CDH13: variants seen among roughly 807,000 people sequenced by gnomAD.
CDH13 encodes the protein cadherin 13.
In CDH13, 24 loss-of-function variants were observed where a neutral mutation model predicts 63.8. The ratio of observed to expected loss-of-function variants is 0.38; its 90% confidence interval spans 0.27 to 0.53. The LOEUF (loss-of-function observed/expected upper bound fraction) is 0.53, where lower values mean the gene tolerates loss of function less well. Ranked by LOEUF, CDH13 falls within the 20% of genes least tolerant of loss-of-function variation. CDH13 has a pLI of 0.85. For synonymous variants in CDH13, 503 were observed against 355.3 expected (o/e 1.42, Z -4.67); for missense variants, 1,049 against 903.1 (o/e 1.16, Z -2.07).
chr16:83,748,583 G>C (rs1465410854), intron 11 of CDH13, among the ~76,000 whole-genome samples: 1 of 152,166 alleles, frequency 6.6e-6, no homozygotes. Flanking sequence ...GAGGCTCTTG[G>C]ACTTAATACA....
intron 6 of CDH13, among the ~76,000 whole-genome samples, chr16:83,474,430 C>G (rs1167844500): frequency 2.0e-5 from 3 of 152,130 alleles, no homozygotes; most frequent in African/African-American, 4.8e-5. Context: ...CCACACCAGG[C>G]CAGTAGAATA....
At chr16:82,718,712 G>C (rs1332719836) in intron 1 of CDH13, among the ~76,000 whole-genome samples, 2 of 152,162 alleles carry the variant, frequency 1.3e-5, no homozygotes, top group Admixed American at 6.5e-5. Context: ...CTCGTGCAGG[G>C]AAACTCCCCT....
At chr16:82,678,180 A>G (rs887359838) in intron 1 of CDH13, among the ~76,000 whole-genome samples, 2 of 152,084 alleles carry the variant, frequency 1.3e-5, no homozygotes, top group African/African-American at 2.4e-5. Flanking sequence ...TGTGTATTGG[A>G]TGGATGGATG....
At chr16:83,132,049 C>A (rs2036077706) in intron 4 of CDH13, among the ~76,000 whole-genome samples, 1 of 152,126 alleles carries the variant, frequency 6.6e-6, no homozygotes, top group Admixed American at 6.5e-5. Context: ...TACTCTGTAC[C>A]TGAGATTTAT....
At chr16:83,006,475 C>T (rs1447899402) in intron 2 of CDH13, among the ~76,000 whole-genome samples, 1 of 152,020 alleles carries the variant, frequency 6.6e-6, no homozygotes, top group Admixed American at 6.6e-5. Flanking sequence ...AAGGCTAAGC[C>T]TGAGGATGAT....
intron 2 of CDH13, among the ~76,000 whole-genome samples, chr16:83,011,586 G>C (rs575141650): frequency 2.6e-5 from 4 of 152,284 alleles, no homozygotes; most frequent in African/African-American, 9.6e-5. Flanking sequence ...CGTGGCTCCT[G>C]TACCAGGTTG....
chr16:82,728,323 G>A (rs915075314), intron 1 of CDH13, among the ~76,000 whole-genome samples: 1 of 152,018 alleles, frequency 6.6e-6, no homozygotes, highest in East Asian at 1.9e-4. Flanking sequence ...ACCCTTATGG[G>A]CTTGTTCTAT....
intron 4 of CDH13, among the ~76,000 whole-genome samples, chr16:83,150,640 G>A (rs183244709): frequency 9.2e-5 from 14 of 152,236 alleles, no homozygotes; most frequent in Admixed American, 1.3e-4. Context: ...CTTATAGAGC[G>A]TTTTTTATCT....
At chr16:82,647,238 C>A (rs1910201851) in intron 1 of CDH13, among the ~76,000 whole-genome samples, 1 of 152,136 alleles carries the variant, frequency 6.6e-6, no homozygotes, top group Non-Finnish European at 1.5e-5. Context: ...CTTGGTCCAG[C>A]AAATAATATG....
At chr16:83,710,073 G>C (rs1416444282) in intron 10 of CDH13, 2 of 152,244 alleles carry the variant, frequency 1.3e-5, no homozygotes, top group African/African-American at 2.4e-5. Context: ...TTCAGGGGGT[G>C]CGAGGGGAAT....
chr16:83,543,347 G>T (rs1345794282), intron 7 of CDH13, among the ~76,000 whole-genome samples: 1 of 152,142 alleles, frequency 6.6e-6, no homozygotes, highest in African/African-American at 2.4e-5. Context: ...ACCTTATGGA[G>T]CCCAATGACA....
Position 82,830,766 on chromosome 16 carries a change from C to T in CDH13, c.46-27596C>T, listed in dbSNP as rs554215525. 5.6e-3 allele frequency among the ~76,000 whole-genome samples: 849 copies of T among 152,222 alleles called. 6 individuals are homozygous for T. The highest frequency in any genetic ancestry group is 0.01 in the Non-Finnish European group (683 of 68,016). On this transcript the variant is annotated intron_variant, in intron 1 of 13. Transcript: ENST00000567109. Reference sequence around the variant, plus strand: ...CCTTGTTTTATGCATAAAAGAAGGCCAGTAAAAATAGTCTTACATGCATAT... The same window carrying T: ...CCTTGTTTTATGCATAAAAGAAGGCTAGTAAAAATAGTCTTACATGCATAT...
chr16:83,413,817 G>T (rs576017176), intron 6 of CDH13, among the ~76,000 whole-genome samples: 1 of 151,916 alleles, frequency 6.6e-6, no homozygotes, highest in Admixed American at 6.6e-5. Context: ...GTAAAACCCC[G>T]TCTCTACTAA....
intron 6 of CDH13, among the ~76,000 whole-genome samples, chr16:83,416,753 G>T (rs1321042536): frequency 6.6e-6 from 1 of 152,142 alleles, no homozygotes; most frequent in Non-Finnish European, 1.5e-5. Context: ...AAATGCTGGG[G>T]TCAAATCTCT....
At chr16:83,454,496 A>C (rs1275169574) in intron 6 of CDH13, among the ~76,000 whole-genome samples, 1 of 152,044 alleles carries the variant, frequency 6.6e-6, no homozygotes, top group Non-Finnish European at 1.5e-5. Flanking sequence ...TATATATTTT[A>C]CTTTGCATTT....
At chr16:82,904,578 C>T (rs1410752164) in intron 2 of CDH13, among the ~76,000 whole-genome samples, 1 of 152,166 alleles carries the variant, frequency 6.6e-6, no homozygotes, top group Admixed American at 6.5e-5. Context: ...CAGCAAAATG[C>T]AGGGGTTGCG....
At chr16:82,802,457 T>A (rs1893975802) in intron 1 of CDH13, among the ~76,000 whole-genome samples, 1 of 152,140 alleles carries the variant, frequency 6.6e-6, no homozygotes, top group Admixed American at 6.5e-5. Flanking sequence ...CAGTGATCTG[T>A]TGAGAGATTC....
At chr16:83,113,719 G>T (rs1011206398) in intron 3 of CDH13, among the ~76,000 whole-genome samples, 3 of 152,168 alleles carry the variant, frequency 2.0e-5, no homozygotes, top group African/African-American at 7.2e-5. Flanking sequence ...GGATGGGTGG[G>T]GGGTTAACCA....
chr16:82,837,416 C>A (rs973477888), intron 1 of CDH13, among the ~76,000 whole-genome samples: 2 of 147,806 alleles, frequency 1.4e-5, no homozygotes, highest in African/African-American at 5.0e-5. Context: ...AAGACCACCC[C>A]CAGGTTCCTT....
Sources: allele counts gnomAD v4.1 joint callset (sites outside exome capture counted in the v4.1 genomes callset), GRCh38; gene constraint gnomAD v4.1.1; transcripts MANE v1.5; gene names NCBI Gene and HGNC (gene_info 2026-07-23, HGNC 2026-07-21).